Variants in KLF17 observed in about 807,000 individuals in gnomAD.
KLF17 encodes the protein KLF transcription factor 17.
Under a neutral mutation model 34.2 loss-of-function variants are expected in KLF17, and 31 were observed. That is an observed-to-expected ratio of 0.91 (90% CI 0.68 to 1.22). The LOEUF (loss-of-function observed/expected upper bound fraction) is 1.22, where lower values mean the gene tolerates loss of function less well. KLF17 is among the 50% of genes most tolerant of loss of function. KLF17 has a pLI of 0.00. For synonymous variants in KLF17, 179 were observed against 186.7 expected (o/e 0.96, Z 0.34); for missense variants, 478 against 505.2 (o/e 0.95, Z 0.52).
At chr1:44,081,190 C>T in the KLF17 span, among the ~76,000 whole-genome samples, 3 of 144,714 alleles carry the variant, frequency 2.1e-5, no homozygotes, top group Non-Finnish European at 4.5e-5. Context: ...AGCGCCATTG[C>T]ACTCCAGCCT....
the KLF17 span, among the ~76,000 whole-genome samples, chr1:44,099,769 T>G: frequency 4.0e-5 from 6 of 149,930 alleles, no homozygotes; most frequent in African/African-American, 1.5e-4. Context: ...GAGCCGAGAT[T>G]GCACCACTGG....
At chr1:44,068,776 A>G in the KLF17 span, among the ~76,000 whole-genome samples, 1 of 152,148 alleles carries the variant, frequency 6.6e-6, no homozygotes, top group African/African-American at 2.4e-5. Flanking sequence ...AAGCTTGTGG[A>G]GAGTTTAGAC....
upstream of KLF17, among the ~76,000 whole-genome samples, chr1:44,116,563 A>T (rs1461703459): frequency 6.6e-6 from 1 of 151,722 alleles, no homozygotes; most frequent in Admixed American, 6.6e-5. Flanking sequence ...ATAATGTCCC[A>T]CTCCATCAAC....
intron 1 of KLF17, among the ~76,000 whole-genome samples, chr1:44,120,522 G>T (rs1400262521): frequency 6.6e-6 from 1 of 152,210 alleles, no homozygotes. Flanking sequence ...GAGTTCAAGC[G>T]AGGAGTCTGG....
the KLF17 span, chr1:44,070,080 A>G: frequency 6.6e-6 from 1 of 152,034 alleles, no homozygotes; most frequent in Non-Finnish European, 1.5e-5. Context: ...CTTGCATTTT[A>G]GTCTCTAAGT....
At chr1:44,125,617 G>C (rs1310424985) in intron 1 of KLF17, among the ~76,000 whole-genome samples, 5 of 151,780 alleles carry the variant, frequency 3.3e-5, no homozygotes, top group Admixed American at 3.3e-4. Flanking sequence ...ACAGGTGCCC[G>C]CCACCACACC....
In KLF17 at chr1:44,129,899, C is replaced by T; in HGVS notation, c.628C>T (p.Gln210Ter). The T allele has an allele frequency of 6.2e-7, 1 of 1,614,202 alleles. No individual in the cohort carries two copies. Among genetic ancestry groups the T allele is most frequent in the Non-Finnish European group, 8.5e-7 (1 of 1,180,036 alleles). The change falls in exon 2 of 4, where the codon CAG becomes TAG. Residue 210 changes from glutamine to a stop codon, truncating the protein, a stop_gained. Coordinates refer to ENST00000372299, the MANE Select transcript of KLF17 (RefSeq NM_173484.4). LOFTEE classifies it high-confidence loss of function. Reference protein sequence around the residue: ...EAQAVLPSMAQMLPPQDAHDL... With the variant: ...EAQAVLPSMA ...CCAGGCAGTGCTCCCCTCCATGGCTCAGATGTTGCCCCCGCAAGATGCCCA... is the reference window on the plus strand; with the variant it reads ...CCAGGCAGTGCTCCCCTCCATGGCTTAGATGTTGCCCCCGCAAGATGCCCA...
chr1:44,118,905 T>C lies in KLF17; in HGVS notation c.-3T>C. Reference sequence around the variant, plus strand: ...TAGAGAGTCTAGACCCCACCCAGTCTTCATGTACGGCCGACCGCAGGCTGA... The same window carrying C: ...TAGAGAGTCTAGACCCCACCCAGTCCTCATGTACGGCCGACCGCAGGCTGA... On this transcript the variant is annotated 5_prime_UTR_variant, in exon 1 of 4. Coordinates refer to ENST00000372299, the MANE Select transcript of KLF17 (RefSeq NM_173484.4). 1 of 1,610,868 alleles carries C rather than the reference T, an allele frequency of 6.2e-7. No homozygotes were observed. Among genetic ancestry groups the C allele is most frequent in the Middle Eastern group, 1.7e-4 (1 of 6,048 alleles).
the KLF17 span, among the ~76,000 whole-genome samples, chr1:44,088,807 C>T: frequency 2.6e-5 from 4 of 152,016 alleles, no homozygotes; most frequent in Non-Finnish European, 4.4e-5. Context: ...ATCACTGGAG[C>T]TAGAGCGTTA....
the KLF17 span, among the ~76,000 whole-genome samples, chr1:44,087,030 G>A: frequency 2.0e-5 from 3 of 152,164 alleles, no homozygotes; most frequent in Non-Finnish European, 2.9e-5. Context: ...CGGCAGCATC[G>A]ATGTAGATAT....
At chr1:44,055,118 G>C in the KLF17 span, among the ~76,000 whole-genome samples, 1 of 152,108 alleles carries the variant, frequency 6.6e-6, no homozygotes, top group Non-Finnish European at 1.5e-5. Context: ...CTGGAAGAAG[G>C]ACTGTCCCAG....
the KLF17 span, among the ~76,000 whole-genome samples, chr1:44,102,058 CAAACA>C: frequency 6.6e-6 from 1 of 151,760 alleles, no homozygotes; most frequent in African/African-American, 2.4e-5. Flanking sequence ...AACAAACAAA[CAAACA>C]AAAGAGTGGA....
intron 2 of KLF17, 129 bp downstream of exon 2, chr1:44,130,325 C>T: frequency 6.9e-7 from 1 of 1,447,468 alleles, no homozygotes; most frequent in Non-Finnish European, 9.4e-7. Context: ...CTAGACTGGC[C>T]CCCCGACTTG....
At chr1:44,108,121 C>T in the KLF17 span, among the ~76,000 whole-genome samples, 1 of 152,228 alleles carries the variant, frequency 6.6e-6, no homozygotes, top group Admixed American at 6.5e-5. Flanking sequence ...GATTATTCAA[C>T]TAACCAGTCA....
chr1:44,099,737 C>T, the KLF17 span, among the ~76,000 whole-genome samples: 1 of 137,076 alleles, frequency 7.3e-6, no homozygotes, highest in Non-Finnish European at 1.6e-5. Context: ...TCACTTGAAC[C>T]CAGGTGGCGG....
At chr1:44,122,823 T>C (rs895063090) in intron 1 of KLF17, among the ~76,000 whole-genome samples, 5 of 152,122 alleles carry the variant, frequency 3.3e-5, no homozygotes. Context: ...GGTCTTGAAC[T>C]CCTGACCTCA....
chr1:44,088,783 C>T, the KLF17 span, among the ~76,000 whole-genome samples: 2 of 152,086 alleles, frequency 1.3e-5, no homozygotes, highest in Admixed American at 6.6e-5. Flanking sequence ...AAGATGAATG[C>T]ACTGTAGGTA....
the KLF17 span, chr1:44,104,727 TCCAGTAAC>T: frequency 3.0e-6 from 1 of 331,128 alleles, no homozygotes; most frequent in Non-Finnish European, 5.8e-6. Context: ...TTTACAATAA[TCCAGTAAC>T]CCTGTTGTTC....
chr1:44,049,321 C>A, the KLF17 span, among the ~76,000 whole-genome samples: 1 of 152,120 alleles, frequency 6.6e-6, no homozygotes, highest in Non-Finnish European at 1.5e-5. Flanking sequence ...TTGGGGGGCA[C>A]ACAACATTTA....
Sources: gnomAD v4.1 joint callset for allele counts (sites outside exome capture counted in the v4.1 genomes callset) on GRCh38, gnomAD v4.1.1 for gene constraint, MANE v1.5 for transcripts, NCBI Gene and HGNC (gene_info 2026-07-23, HGNC 2026-07-21) for gene names.